Variants in KIR3DL2 observed in about 807,000 individuals in gnomAD.
KIR3DL2 encodes killer cell immunoglobulin-like receptor 3DL2.
In KIR3DL2, 42 loss-of-function variants were observed where a neutral mutation model predicts 41.6. That is an observed-to-expected ratio of 1.01 (90% confidence interval 0.79 to 1.31). The LOEUF is 1.31. KIR3DL2 is among the 50% of genes most tolerant of loss of function. The pLI is 0.00. For synonymous variants in KIR3DL2, 230 were observed against 221.3 expected (o/e 1.04, Z -0.35); for missense variants, 728 against 576.8 (o/e 1.26, Z -2.68).
At chr19:54,865,972 C>G (rs10417848) in intron 7 of KIR3DL2, 63 bp downstream of exon 7, 1 of 1,436,736 alleles carries the variant, frequency 7.0e-7, no homozygotes, top group Non-Finnish European at 9.7e-7. Flanking sequence ...GATGGGAGCA[C>G]GCGGGTGTGT....
At chr19:54,866,265 G>A (rs2065506379) in intron 7 of KIR3DL2, 105 bp from the exon 8 acceptor site, 11 of 1,123,536 alleles carry the variant, frequency 9.8e-6, no homozygotes, top group Non-Finnish European at 1.5e-5. Flanking sequence ...GGCAGCTGAA[G>A]AGCCTCAGGC....
chr19:54,862,412 C>A (rs62123384), intron 6 of KIR3DL2, among the ~76,000 whole-genome samples: 53,638 of 151,880 alleles, frequency 0.35, 9,525 homozygotes, highest in South Asian at 0.4. Flanking sequence ...GGGCCTATGC[C>A]AATTTCTATC....
In KIR3DL2 at chr19:54,853,766, C is replaced by T. The variant is rs1405155482; in HGVS notation, c.375C>T (p.Ser125=). 8.7e-6 allele frequency: 14 copies of T among 1,610,580 alleles called. No homozygotes were observed. In the Admixed American group the frequency reaches 2.0e-4, roughly 23 times the overall value. ...IMVTGNHRKP[S]LLAHPGPLLK... is the part of the protein sequence containing the mutation. ...TTCTAGGAAACCACAGAAAACCTTC[C>T]CTCCTGGCCCACCCAGGGCCCCTGC... Residue 125 remains serine, a synonymous_variant, in exon 4 of 9, where the codon TCC becomes TCT. Transcript: ENST00000326321.
intron 3 of KIR3DL2, 96 bp from the exon 4 acceptor site, chr19:54,853,651 G>C (rs1458118870): frequency 5.3e-5 from 75 of 1,415,056 alleles, no homozygotes; most frequent in Non-Finnish European, 7.3e-5. Flanking sequence ...GGAGGAGAGA[G>C]ACAGACCTCT....
chr19:54,864,839 T>C (rs1435384165), intron 6 of KIR3DL2, among the ~76,000 whole-genome samples: 4 of 151,994 alleles, frequency 2.6e-5, no homozygotes, highest in African/African-American at 9.6e-5. Context: ...CCTAATTGAA[T>C]ACCCTTTATT....
In KIR3DL2 at chr19:54,855,731, C is replaced by T; in HGVS notation, c.768C>T (p.Ser256=). 1.2e-6 allele frequency: 2 copies of T among 1,613,536 alleles called. No individual in the cohort carries two copies. Among genetic ancestry groups the T allele is most frequent in the Non-Finnish European group, 1.7e-6 (2 of 1,179,946 alleles). The change falls in exon 5 of 9, where the codon TCC becomes TCT. Residue 256 remains serine (S), a synonymous_variant. Coordinates refer to ENST00000326321, the MANE Select transcript of KIR3DL2 (RefSeq NM_006737.4). ...GCTCCTATGACATCTACCATCTGTC[C>T]AGGGAAGGGGAGGCCCATGAACGTA... is the stretch of plus-strand genomic sequence containing the variant. ...SWSSYDIYHL[S]REGEAHERRL...
At chr19:54,862,825 G>C (rs1373874868) in intron 6 of KIR3DL2, among the ~76,000 whole-genome samples, 1 of 36,566 alleles carries the variant, frequency 2.7e-5, no homozygotes, top group Non-Finnish European at 5.7e-5. Context: ...TTTTTTTTTT[G>C]TATAGTGCTT....
chr19:54,856,849 G>A (rs1175293819), intron 5 of KIR3DL2, among the ~76,000 whole-genome samples: 1 of 152,038 alleles, frequency 6.6e-6, no homozygotes, highest in African/African-American at 2.4e-5. Flanking sequence ...TTCCATCCAT[G>A]TGGCTGCAAA....
At chr19:54,853,659 T>A (rs1407642080) in intron 3 of KIR3DL2, 88 bp from the exon 4 acceptor site, 8 of 1,466,600 alleles carry the variant, frequency 5.5e-6, no homozygotes, top group East Asian at 2.4e-5. Flanking sequence ...GAGACAGACC[T>A]CTGGGAGGGG....
At chr19:54,863,319 T>A (rs889844648) in intron 6 of KIR3DL2, among the ~76,000 whole-genome samples, 2 of 151,988 alleles carry the variant, frequency 1.3e-5, no homozygotes, top group African/African-American at 4.8e-5. Flanking sequence ...TAAACATACG[T>A]GTCCATGTGT....
chr19:54,859,600 C>T (rs2070464430), intron 6 of KIR3DL2, among the ~76,000 whole-genome samples: 2 of 151,850 alleles, frequency 1.3e-5, no homozygotes, highest in South Asian at 4.2e-4. Context: ...CATGCACGCA[C>T]ACTTCGACTC....
chr19:54,866,699 G>C lies in KIR3DL2; in HGVS notation c.1336G>C (p.Ala446Pro), dbSNP rs748563040. Residue 446 changes from alanine (A) to proline (P), a missense_variant, in exon 9 of 9, where the codon GCA (alanine) becomes CCA (proline). By Grantham distance (27) the Ala-to-Pro change is conservative (BLOSUM62 -1). Transcript: ENST00000326321. ...PRSKVVSCPR[A>P]PQSGLEGVF Reference sequence around the variant, plus strand: ...ATCCAAAGTTGTCTCCTGCCCACGAGCACCACAGTCAGGTCTTGAGGGGGT... The same window carrying C: ...ATCCAAAGTTGTCTCCTGCCCACGACCACCACAGTCAGGTCTTGAGGGGGT... 112 of 1,613,908 alleles carry C rather than the reference G, an allele frequency of 6.9e-5. 2 individuals carry two copies. In the Middle Eastern group the frequency reaches 1.8e-3, roughly 26 times the overall value.
intron 6 of KIR3DL2, among the ~76,000 whole-genome samples, chr19:54,860,874 G>T (rs376750820): frequency 0.047 from 5,792 of 123,950 alleles, 32 homozygotes; most frequent in East Asian, 0.11. Context: ...AAGAGGCTCT[G>T]ACTCAAATGC....
Position 54,854,009 on chromosome 19 carries a change from G to C in KIR3DL2, c.618G>C (p.Leu206Phe). The change falls in exon 4 of 9, where the codon TTG (leucine) becomes TTC (phenylalanine). Residue 206 changes from leucine (L) to phenylalanine (F), a missense_variant. Coordinates refer to ENST00000326321, the MANE Select transcript of KIR3DL2 (RefSeq NM_006737.4). The part of the protein sequence containing the change: ...YGSVPHSPYQ[L>F]SAPSDPLDIV... ...CTGTTCCTCACTCCCCCTATCAGTT[G>C]TCAGCTCCCAGTGACCCCCTGGACA... 2.5e-6 allele frequency: 4 copies of C among 1,609,482 alleles called. No homozygotes were observed. Among genetic ancestry groups the C allele is most frequent in the Non-Finnish European group, 3.4e-6 (4 of 1,176,924 alleles).
rs753489436 is a variant in KIR3DL2 at position 54,865,900 on chromosome 19, A to G, written c.1096A>G (p.Asn366Asp). Residue 366 changes from asparagine to aspartate, a missense_variant, in exon 7 of 9, where the codon AAC (asparagine) becomes GAC (aspartate). Physicochemically the swap from Asn to Asp is conservative, Grantham distance 23 (BLOSUM62 1). Coordinates refer to ENST00000326321, the MANE Select transcript of KIR3DL2 (RefSeq NM_006737.4). The stretch of plus-strand genomic sequence containing the variant: ...CTTTCTCCTTTATCGCTGGTGCTCC[A>G]ACAAAAAGAGTAAGTCTCACGAAGC... ...LFFLLYRWCS[N>D]KKNAAVMDQE... 2.5e-6 allele frequency: 4 copies of G among 1,612,564 alleles called. No homozygotes were observed. In the South Asian group the frequency reaches 3.3e-5, roughly 13 times the overall value.
At chr19:54,862,978 T>A (rs1006161345) in intron 6 of KIR3DL2, among the ~76,000 whole-genome samples, 1 of 146,610 alleles carries the variant, frequency 6.8e-6, no homozygotes, top group African/African-American at 2.5e-5. Flanking sequence ...TAGCATTAGG[T>A]ATATCTCCTA....
At chr19:54,866,071 C>A (rs1386835808) in intron 7 of KIR3DL2, among the ~76,000 whole-genome samples, 162 bp downstream of exon 7, 2 of 152,084 alleles carry the variant, frequency 1.3e-5, no homozygotes, top group East Asian at 1.9e-4. Context: ...CCTGCCCCTG[C>A]CTTCAGCTCA....
At chr19:54,857,168 C>A (rs1406703137) in intron 5 of KIR3DL2, among the ~76,000 whole-genome samples, 1 of 151,278 alleles carries the variant, frequency 6.6e-6, no homozygotes, top group Non-Finnish European at 1.5e-5. Flanking sequence ...TGGCTCATTG[C>A]AACCTCTGCT....
intron 5 of KIR3DL2, among the ~76,000 whole-genome samples, chr19:54,858,226 G>C (rs2064933713): frequency 6.7e-6 from 1 of 149,958 alleles, no homozygotes; most frequent in Non-Finnish European, 1.5e-5. Flanking sequence ...TCTTTCATCA[G>C]ACAAATGTCT....
Sources: gnomAD v4.1 joint callset for allele counts (sites outside exome capture counted in the v4.1 genomes callset) on GRCh38, gnomAD v4.1.1 for gene constraint, MANE v1.5 for transcripts, NCBI Gene and HGNC (gene_info 2026-07-23, HGNC 2026-07-21) for gene names.